Variants in ADGRD1 observed in about 807,000 individuals in gnomAD.
ADGRD1 encodes the protein adhesion G protein-coupled receptor D1.
A neutral mutation model predicts 113.4 loss-of-function variants in ADGRD1; 77 were observed. The observed-to-expected ratio is 0.68, with a 90% confidence interval of 0.57 to 0.82. The LOEUF is 0.82. Ranked by LOEUF, ADGRD1 falls within the 40% of genes least tolerant of loss-of-function variation. The pLI is 0.00. For synonymous variants in ADGRD1, 474 were observed against 475.0 expected, an observed-to-expected ratio of 1.00 and a Z score of 0.03; for missense variants, 1,036 against 1,139.1, an observed-to-expected ratio of 0.91 and a Z score of 1.30.
chr12:130,996,579 G>C (rs1875408044), intron 8 of ADGRD1, among the ~76,000 whole-genome samples: 1 of 133,262 alleles, frequency 7.5e-6, no homozygotes, highest in African/African-American at 2.9e-5. Flanking sequence ...CGGGCAGAGG[G>C]GCTCCTCACT....
At chr12:131,015,257 G>C (rs561161529) in intron 13 of ADGRD1, among the ~76,000 whole-genome samples, 82 of 152,380 alleles carry the variant, frequency 5.4e-4, no homozygotes, top group African/African-American at 1.9e-3. Flanking sequence ...GGGTGAGCTG[G>C]GGCAGTCAAG....
rs766378199 is a variant in ADGRD1, at chr12:131,084,663, G to A, written c.1671G>A (p.Glu557=). The part of the protein sequence containing the change: ...FAILMQVVPL[E]LARGHQVALS... ...TCCTCATGCAGGTGGTCCCGCTGGA[G>A]GTAAGAGCCAGGCCTCAGGGGTCGC... The change falls in exon 15 of 25, where the codon GAG becomes GAA. Residue 557 remains glutamate (E), a splice_region_variant and synonymous_variant. Transcript: ENST00000261654. This position sits in a 1 kb window ranked among gnomAD's most constrained non-coding sequence, Gnocchi z 4.5. The A allele has an allele frequency of 6.2e-7, 1 of 1,613,886 alleles. No individual in the cohort carries two copies. Among genetic ancestry groups the A allele is most frequent in the Admixed American group, 1.7e-5 (1 of 60,020 alleles).
chr12:131,136,874 G>A (rs182310876), intron 22 of ADGRD1, 99 bp from the exon 23 acceptor site: 42 of 944,972 alleles, frequency 4.4e-5, no homozygotes, highest in Admixed American at 8.5e-5. Flanking sequence ...CACAGTGTGC[G>A]GTGCCAGTGC....
At chr12:131,065,111 T>G (rs1473810902) in intron 13 of ADGRD1, among the ~76,000 whole-genome samples, 1 of 152,214 alleles carries the variant, frequency 6.6e-6, no homozygotes, top group Non-Finnish European at 1.5e-5. Context: ...TTGGTCCTTG[T>G]AGAAGCCACG....
At chr12:131,068,732 A>G (rs1257513639) in intron 13 of ADGRD1, among the ~76,000 whole-genome samples, 1 of 152,232 alleles carries the variant, frequency 6.6e-6, no homozygotes, top group African/African-American at 2.4e-5. Context: ...AGGATAATGA[A>G]TGGATTGGAT....
At chr12:131,034,697 C>T (rs1881179257) in intron 13 of ADGRD1, among the ~76,000 whole-genome samples, 1 of 152,322 alleles carries the variant, frequency 6.6e-6, no homozygotes, top group African/African-American at 2.4e-5. Context: ...ATGACTGAGG[C>T]TAGGACACGG....
At chr12:131,046,320 GT>G in intron 13 of ADGRD1, among the ~76,000 whole-genome samples, 1 of 137,794 alleles carries the variant, frequency 7.3e-6, no homozygotes, top group East Asian at 2.2e-4. Context: ...CCTGGTCAGT[GT>G]CCTCCCTGGT....
intron 17 of ADGRD1, among the ~76,000 whole-genome samples, chr12:131,106,283 C>T: frequency 6.6e-6 from 1 of 152,232 alleles, no homozygotes; most frequent in Non-Finnish European, 1.5e-5. Flanking sequence ...CAGGCTGTGC[C>T]CTTCATCAGC....
chr12:131,042,184 A>G (rs1170735488), intron 13 of ADGRD1, among the ~76,000 whole-genome samples: 1 of 152,232 alleles, frequency 6.6e-6, no homozygotes, highest in Non-Finnish European at 1.5e-5. Flanking sequence ...AACTGTCCCA[A>G]TTTTTAAAAT....
At chr12:130,993,585 C>T (rs1281908479) in intron 8 of ADGRD1, among the ~76,000 whole-genome samples, 1 of 151,952 alleles carries the variant, frequency 6.6e-6, no homozygotes, top group Non-Finnish European at 1.5e-5. Flanking sequence ...TGGCTTTGAC[C>T]CCAGCTCCAC....
chr12:131,100,762 T>A (rs1274565485), intron 15 of ADGRD1, among the ~76,000 whole-genome samples: 1 of 152,178 alleles, frequency 6.6e-6, no homozygotes, highest in Non-Finnish European at 1.5e-5. Flanking sequence ...GATTAAGATG[T>A]TTTAGAGAGT....
rs1870974405 is a variant in ADGRD1, at chr12:130,966,193, G to A, written c.104-270G>A. Among the ~76,000 whole-genome samples the A allele has an allele frequency of 6.6e-6, 1 of 152,170 alleles. No homozygotes were observed. The highest frequency in any genetic ancestry group is 2.4e-5 in the African/African-American group (1 of 41,442). The stretch of plus-strand genomic sequence containing the variant: ...AGCTTCTAGTGTGTCACCAGTAAAT[G>A]CAGTGGCTTCTGTTTTCATGCAACA... On this transcript the variant is annotated intron_variant, in intron 2 of 24. Coordinates refer to ENST00000261654, the MANE Select transcript of ADGRD1 (RefSeq NM_198827.5). This position sits in a 1 kb window ranked among gnomAD's most constrained non-coding sequence, Gnocchi z 4.6.
At chr12:131,088,715 CGAGAAGCGGCAG>C (rs1886679805) in intron 15 of ADGRD1, among the ~76,000 whole-genome samples, 1 of 152,086 alleles carries the variant, frequency 6.6e-6, no homozygotes, top group African/African-American at 2.4e-5. Flanking sequence ...TGCGGTGACT[CGAGAAGCGGCAG>C]CCCGCTGGTG....
At chr12:131,107,703 G>T (rs1358725219) in intron 17 of ADGRD1, among the ~76,000 whole-genome samples, 4 of 152,236 alleles carry the variant, frequency 2.6e-5, no homozygotes, top group Non-Finnish European at 4.4e-5. Flanking sequence ...AAAAGGGGCA[G>T]CTGGTCCTGG....
chr12:130,997,460 A>G (rs7298625), intron 8 of ADGRD1, among the ~76,000 whole-genome samples: 53,127 of 137,658 alleles, frequency 0.39, 10,392 homozygotes, highest in African/African-American at 0.52. Context: ...GGCGGTTGCC[A>G]GGCGGAGGGT....
Position 130,971,526 on chromosome 12 carries a change from T to A in ADGRD1, c.256T>A (p.Tyr86Asn), listed in dbSNP as rs748072123. Residue 86 changes from tyrosine (Y) to asparagine (N), a missense_variant, in exon 4 of 25, where the codon TAC (tyrosine) becomes AAC (asparagine). Coordinates refer to ENST00000261654, the MANE Select transcript of ADGRD1 (RefSeq NM_198827.5). The surrounding 1 kb of genome is among the most constrained non-coding windows in gnomAD (Gnocchi z 4.2). ...KEEKGVTLLY[Y>N]GRYNSSCISK... Reference sequence around the variant, plus strand: ...GGAAAAGGGAGTCACGCTTCTCTATTACGGCAGGTACAACAGCTCCTGCAT... The same window carrying A: ...GGAAAAGGGAGTCACGCTTCTCTATAACGGCAGGTACAACAGCTCCTGCAT... The A allele has an allele frequency of 4.2e-5, 67 of 1,613,550 alleles. No individual in the cohort carries two copies. In the East Asian group the frequency reaches 1.3e-3, roughly 31 times the overall value.
rs957603233 is a variant in ADGRD1 at position 131,096,398 on chromosome 12, C to T, written c.1672-8433C>T. ...AGCAGCTGAGACTAGAGGTGTGCAC[C>T]ACCATGCCTGGCAAGATAGCACACT... On this transcript the variant is annotated intron_variant, in intron 15 of 24. Transcript: ENST00000261654. This position sits in a 1 kb window ranked among gnomAD's most constrained non-coding sequence, Gnocchi z 5.2. Among the ~76,000 whole-genome samples the T allele has an allele frequency of 1.3e-5, 2 of 152,160 alleles. No individual in the cohort carries two copies. Among genetic ancestry groups the T allele is most frequent in the Admixed American group, 6.5e-5 (1 of 15,272 alleles).
chr12:130,954,688 C>A lies in ADGRD1; in HGVS notation c.103+28C>A. ...AAGAGTGTTTCCTTCTCACTCTGAG[C>A]ACCGCTCTCCCCCTGCCTAGTGCAG... On this transcript the variant is annotated intron_variant, in intron 2 of 24. Transcript: ENST00000261654. The surrounding 1 kb of genome is among the most constrained non-coding windows in gnomAD (Gnocchi z 4.7). 1.2e-6 allele frequency: 2 copies of A among 1,604,654 alleles called. No homozygotes were observed. The highest frequency in any genetic ancestry group is 1.3e-5 in the African/African-American group (1 of 74,872).
At chr12:131,037,939 A>C (rs965262380) in intron 13 of ADGRD1, among the ~76,000 whole-genome samples, 1 of 145,290 alleles carries the variant, frequency 6.9e-6, no homozygotes, top group Admixed American at 6.9e-5. Flanking sequence ...TACTCACTGC[A>C]TGGGGCCTCA....
Sources: gnomAD v4.1 joint callset for allele counts (sites outside exome capture counted in the v4.1 genomes callset) on GRCh38, gnomAD v4.1.1 for gene constraint, Gnocchi (gnomAD v3.1) non-coding constraint, MANE v1.5 for transcripts, NCBI Gene and HGNC (gene_info 2026-07-23, HGNC 2026-07-21) for gene names.